The following UNC5D variants were observed in gnomAD, a reference collection of about 807,000 sequenced individuals.
UNC5D encodes netrin receptor UNC5D.
UNC5D carries 39 observed loss-of-function variants against 105.4 expected under a neutral mutation model. The ratio of observed to expected loss-of-function variants is 0.37; its 90% CI spans 0.29 to 0.48. UNC5D has a LOEUF of 0.48. Among genes scored for constraint, UNC5D ranks in the 20% least tolerant of loss-of-function variants. The pLI, the probability that UNC5D is intolerant of heterozygous loss-of-function variation, is 0.98. For synonymous variants in UNC5D, 452 were observed against 450.4 expected (o/e 1.00, Z -0.04); for missense variants, 991 against 1,202.4 (o/e 0.82, Z 2.60).
intron 1 of UNC5D, among the ~76,000 whole-genome samples, chr8:35,539,638 C>T (rs931547137): frequency 6.6e-6 from 1 of 152,022 alleles, no homozygotes; most frequent in Non-Finnish European, 1.5e-5. Flanking sequence ...AGAGTCGGTT[C>T]GGATTTTCTC....
chr8:35,343,451 T>C (rs1811596277), intron 1 of UNC5D, among the ~76,000 whole-genome samples: 1 of 152,136 alleles, frequency 6.6e-6, no homozygotes, highest in Admixed American at 6.6e-5. Context: ...CATTGTATGA[T>C]ACACAGTCCT....
At chr8:35,498,079 CAAAACAAAAAAA>C (rs1811720011) in intron 1 of UNC5D, among the ~76,000 whole-genome samples, 1 of 59,484 alleles carries the variant, frequency 1.7e-5, no homozygotes, top group East Asian at 4.1e-4. Context: ...CAAAACAAAA[CAAAACAAAAAAA>C]AAAAAAAAAA....
chr8:35,746,062 A>G lies in UNC5D; in HGVS notation c.1767-2465A>G, dbSNP rs1829991562. 2.0e-5 allele frequency among the ~76,000 whole-genome samples: 3 copies of G among 151,770 alleles called. No individual in the cohort carries two copies. In the South Asian group the frequency reaches 6.2e-4, roughly 32 times the overall value. ...ATGTCCTGAATCTGTTTCCATGATT[A>G]CCCCTGGACTATATTGTAACCCCCT... On this transcript the variant is annotated intron_variant, in intron 11 of 16. Transcript: ENST00000404895.
At position 35,621,421 on chromosome 8, in the gene UNC5D, T is replaced by A. The variant is rs184677660; in HGVS notation, c.570+25764T>A. On this transcript the variant is annotated intron_variant, in intron 4 of 16. Coordinates refer to ENST00000404895, the MANE Select transcript of UNC5D (RefSeq NM_080872.4). ...TGAAGGAATGCCTAATTGACAAGACTAGGCAAAAAGCTCAAATGGAATGAT... is the reference window on the plus strand; with the variant it reads ...TGAAGGAATGCCTAATTGACAAGACAAGGCAAAAAGCTCAAATGGAATGAT... Among the ~76,000 whole-genome samples the A allele has an allele frequency of 2.0e-5, 3 of 152,220 alleles. No homozygotes were observed. In the East Asian group the frequency reaches 5.8e-4, roughly 29 times the overall value.
intron 1 of UNC5D, among the ~76,000 whole-genome samples, chr8:35,316,079 G>A (rs544674308): frequency 3.9e-5 from 6 of 152,260 alleles, no homozygotes; most frequent in East Asian, 1.9e-4. Flanking sequence ...CTGACCAACC[G>A]ACTAGGCAGT....
intron 1 of UNC5D, among the ~76,000 whole-genome samples, chr8:35,294,279 C>T (rs1319453099): frequency 6.6e-6 from 1 of 152,142 alleles, no homozygotes; most frequent in Non-Finnish European, 1.5e-5. Flanking sequence ...TAATAAATGT[C>T]CTAGGTGGTA....
At chr8:35,295,661 A>G (rs556803921) in intron 1 of UNC5D, among the ~76,000 whole-genome samples, 19 of 152,150 alleles carry the variant, frequency 1.2e-4, no homozygotes, top group Non-Finnish European at 2.6e-4. Context: ...ATCACCTTGC[A>G]TAGTCAGCTT....
intron 1 of UNC5D, among the ~76,000 whole-genome samples, chr8:35,505,582 C>T (rs1812257752): frequency 6.6e-6 from 1 of 152,056 alleles, no homozygotes; most frequent in Non-Finnish European, 1.5e-5. Flanking sequence ...ATAATAAACT[C>T]AAAGATGTGG....
chr8:35,595,702 G>A (rs1478632402), intron 4 of UNC5D, 45 bp downstream of exon 4: 1 of 1,566,172 alleles, frequency 6.4e-7, no homozygotes, highest in Non-Finnish European at 8.8e-7. Context: ...AACCAGGCCT[G>A]TTCCCAAGAG....
At chr8:35,281,963 C>A (rs1176071083) in intron 1 of UNC5D, among the ~76,000 whole-genome samples, 1 of 152,158 alleles carries the variant, frequency 6.6e-6, no homozygotes, top group Non-Finnish European at 1.5e-5. Flanking sequence ...CCTATCCCTG[C>A]ACATGTACTC....
chr8:35,567,584 G>A (rs146800884), intron 2 of UNC5D, among the ~76,000 whole-genome samples: 4 of 152,166 alleles, frequency 2.6e-5, no homozygotes, highest in Admixed American at 1.3e-4. Flanking sequence ...TTTGAATGCC[G>A]ATGCCTTCGT....
intron 1 of UNC5D, among the ~76,000 whole-genome samples, chr8:35,402,292 G>A (rs550096229): frequency 6.7e-4 from 102 of 152,220 alleles, no homozygotes; most frequent in Non-Finnish European, 1.2e-3. Context: ...ACGTGGCTGG[G>A]GAGGCCTCAC....
intron 1 of UNC5D, among the ~76,000 whole-genome samples, chr8:35,316,340 A>G (rs959379528): frequency 1.8e-4 from 27 of 152,188 alleles, no homozygotes; most frequent in Non-Finnish European, 3.7e-4. Flanking sequence ...TTTAGTTGGT[A>G]TAAATAAATG....
intron 1 of UNC5D, among the ~76,000 whole-genome samples, chr8:35,506,058 A>G (rs1812286979): frequency 6.6e-6 from 1 of 152,220 alleles, no homozygotes; most frequent in Admixed American, 6.5e-5. Flanking sequence ...GGTGGGAAAA[A>G]GCCCTGATTC....
intron 1 of UNC5D, among the ~76,000 whole-genome samples, chr8:35,247,336 G>A (rs899641552): frequency 6.7e-5 from 10 of 149,700 alleles, no homozygotes; most frequent in African/African-American, 2.5e-4. Flanking sequence ...GATGCAGTTT[G>A]GTGTAGCAGA....
At chr8:35,438,374 T>C (rs1807170385) in intron 1 of UNC5D, among the ~76,000 whole-genome samples, 1 of 152,058 alleles carries the variant, frequency 6.6e-6, no homozygotes, top group African/African-American at 2.4e-5. Flanking sequence ...AGTGTCTTCA[T>C]GGTGCCTCAG....
At chr8:35,490,037 A>G (rs984565298) in intron 1 of UNC5D, among the ~76,000 whole-genome samples, 1 of 152,262 alleles carries the variant, frequency 6.6e-6, no homozygotes, top group African/African-American at 2.4e-5. Context: ...TTATTTAAAC[A>G]TAATCCAGAG....
chr8:35,789,444 A>G (rs1356828144), intron 16 of UNC5D, among the ~76,000 whole-genome samples: 3 of 151,850 alleles, frequency 2.0e-5, no homozygotes, highest in Non-Finnish European at 4.4e-5. Flanking sequence ...GTTAAAAAGA[A>G]AAAAAATATA....
At chr8:35,635,686 T>C (rs1822326513) in intron 4 of UNC5D, among the ~76,000 whole-genome samples, 1 of 152,158 alleles carries the variant, frequency 6.6e-6, no homozygotes. Flanking sequence ...TTATTTGTAA[T>C]TTATACCCTG....
Sources: gnomAD v4.1 joint callset for allele counts (sites outside exome capture counted in the v4.1 genomes callset) on GRCh38, gnomAD v4.1.1 for gene constraint, MANE v1.5 for transcripts, NCBI Gene and HGNC (gene_info 2026-07-23, HGNC 2026-07-21) for gene names.